Variants in PLXND1 observed in about 807,000 individuals in gnomAD.
The protein encoded by PLXND1 is plexin D1.
PLXND1 carries 54 observed loss-of-function variants against 197.7 expected under a neutral mutation model. The observed-to-expected ratio is 0.27, with a 90% CI of 0.22 to 0.34. The LOEUF is 0.34. PLXND1 is among the 10% of genes least tolerant of loss of function. PLXND1 has a pLI of 1.00. For synonymous variants in PLXND1, 1,180 were observed against 1,161.2 expected, an observed-to-expected ratio of 1.02 and a Z score of -0.33; for missense variants, 2,127 against 2,699.2, an observed-to-expected ratio of 0.79 and a Z score of 4.70.
intron 8 of PLXND1, among the ~76,000 whole-genome samples, chr3:129,579,863 G>A (rs531918249): frequency 7.2e-5 from 11 of 152,322 alleles, no homozygotes; most frequent in Admixed American, 1.3e-4. Flanking sequence ...GCAGGACAGG[G>A]ACTGATTCCC....
Position 129,563,078 on chromosome 3 carries a change from C to T in PLXND1, c.4668+16G>A, listed in dbSNP as rs773563103. The T allele has an allele frequency of 1.3e-5, 21 of 1,613,214 alleles. No individual in the cohort carries two copies. Among genetic ancestry groups the T allele is most frequent in the Admixed American group, 3.3e-5 (2 of 59,968 alleles). ...GACACAGCAGCCCTGGGACCCTCCC[C>T]GCCCTGCCGACTTACCCGGGGCTTG... On this transcript the variant is annotated intron_variant, in intron 26 of 35. Coordinates refer to ENST00000324093, the MANE Select transcript of PLXND1 (RefSeq NM_015103.3).
intron 1 of PLXND1, among the ~76,000 whole-genome samples, chr3:129,596,584 T>C (rs2085627785): frequency 6.6e-6 from 1 of 152,132 alleles, no homozygotes; most frequent in Non-Finnish European, 1.5e-5. Context: ...GAAGCCAGTC[T>C]TTCCAAGCCC....
chr3:129,597,864 C>T (rs577411102), intron 1 of PLXND1, among the ~76,000 whole-genome samples: 8 of 152,360 alleles, frequency 5.3e-5, no homozygotes, highest in African/African-American at 9.6e-5. Context: ...TGTCCCCACT[C>T]GGGAACCGGC....
intron 2 of PLXND1, 44 bp downstream of exon 2, chr3:129,589,307 G>GCCGGGGCCCCCCCCCCCCCCCC: frequency 1.5e-6 from 1 of 684,692 alleles, no homozygotes; most frequent in Non-Finnish European, 2.6e-6. Flanking sequence ...TCCCAGGGGA[G>GCCGGGGCCCCCCCCCCCCCCCC]CCTCCCACCC....
At chr3:129,562,714 G>T in intron 27 of PLXND1, 73 bp downstream of exon 27, 1 of 1,407,568 alleles carries the variant, frequency 7.1e-7, no homozygotes, top group Non-Finnish European at 9.7e-7. Flanking sequence ...TGAAAGGAGT[G>T]TTTCCCGTCA....
At chr3:129,559,333 G>A in intron 32 of PLXND1, 1 of 328,690 alleles carries the variant, frequency 3.0e-6, no homozygotes, top group Non-Finnish European at 5.5e-6. Context: ...GGAGCTGATG[G>A]TGCCCACCTG....
chr3:129,575,247 G>GAA (rs1386493699), intron 11 of PLXND1, among the ~76,000 whole-genome samples: 3 of 148,272 alleles, frequency 2.0e-5, no homozygotes, highest in African/African-American at 7.3e-5. Flanking sequence ...CTATGGGGAC[G>GAA]ATCAGGCCCA....
chr3:129,575,891 A>G, intron 9 of PLXND1, 36 bp from the exon 10 acceptor site: 1 of 1,306,700 alleles, frequency 7.7e-7, no homozygotes. Flanking sequence ...GGGTTTGAGG[A>G]GAACCAAGCC....
At position 129,571,271 on chromosome 3, in the gene PLXND1, G is replaced by C; in HGVS notation, c.3369C>G (p.Thr1123=). Residue 1123 remains threonine (T), a synonymous_variant, in exon 18 of 36, where the codon ACC becomes ACG. Coordinates refer to ENST00000324093, the MANE Select transcript of PLXND1 (RefSeq NM_015103.3). The part of the protein sequence containing the change: ...LCKVLNSTLI[T]CPSPGALSNA... ...TGCTCAGGGCCCCGGGGGACGGGCAGGTGATGAGGGTGGAGTTGAGAACCT... is the reference window on the plus strand; with the variant it reads ...TGCTCAGGGCCCCGGGGGACGGGCACGTGATGAGGGTGGAGTTGAGAACCT... 1 of 1,613,706 alleles carries C rather than the reference G, an allele frequency of 6.2e-7. No homozygotes were observed. The highest frequency in any genetic ancestry group is 8.5e-7 in the Non-Finnish European group (1 of 1,179,810).
chr3:129,606,660 C>A lies in PLXND1; in HGVS notation c.-21G>T. ...GCCATCCGGGCGTGCGCGGGCTGCG[C>A]GGCGCGGCGAGTGCATGGGGCGAGG... On this transcript the variant is annotated 5_prime_UTR_variant, in exon 1 of 36. Transcript: ENST00000324093. 1.0e-6 allele frequency: 1 copy of A among 960,752 alleles called. No individual in the cohort carries two copies. The highest frequency in any genetic ancestry group is 1.2e-6 in the Non-Finnish European group (1 of 806,994). 59.5% of individuals were successfully genotyped at this position (960,752 alleles called of 1,614,324 possible). A position where few individuals can be genotyped will look rare whatever the true frequency, so the allele number is the denominator to read the frequency against.
intron 1 of PLXND1, among the ~76,000 whole-genome samples, chr3:129,600,754 C>T (rs1185005765): frequency 1.3e-5 from 2 of 151,822 alleles, no homozygotes; most frequent in African/African-American, 2.4e-5. Flanking sequence ...AGCCCCCAGC[C>T]CAAACCCAAA....
intron 1 of PLXND1, among the ~76,000 whole-genome samples, chr3:129,592,083 C>T (rs1193708255): frequency 6.6e-6 from 1 of 152,216 alleles, no homozygotes; most frequent in African/African-American, 2.4e-5. Context: ...CTGGCCGCTC[C>T]CTCTGCCCAG....
In PLXND1 at chr3:129,571,172, T is replaced by A. The variant is rs149369160; in HGVS notation, c.3468A>T (p.Leu1156=). 5 of 1,614,068 alleles carry A rather than the reference T, an allele frequency of 3.1e-6. No individual in the cohort carries two copies. The African/African-American group carries it at 6.7e-5, about 22-fold the overall frequency. ...CCCGCTGTGCCTCCTCGGGGTCCAG[T>A]AGCTCCTCAGCCACAGCCACCTCGT... ...YADEVAVAEE[L]LDPEEAQRGS... The change falls in exon 18 of 36, where the codon CTA becomes CTT. Residue 1156 remains leucine (L), a synonymous_variant. Coordinates refer to ENST00000324093, the MANE Select transcript of PLXND1 (RefSeq NM_015103.3).
In PLXND1 at chr3:129,571,135, G is replaced by T. The variant is rs144843366; in HGVS notation, c.3505C>A (p.Arg1169Ser). The T allele has an allele frequency of 1.4e-5, 22 of 1,614,206 alleles. No homozygotes were observed. In the East Asian group the frequency reaches 4.7e-4, roughly 34 times the overall value. Reference protein sequence around the residue: ...PEEAQRGSRFRLDYLPNPQFS... With the variant: ...PEEAQRGSRFSLDYLPNPQFS... Reference sequence around the variant, plus strand: ...TGTGGGTTGGGGAGGTAGTCCAGGCGGAACCTGCTGCCCCGCTGTGCCTCC... The same window carrying T: ...TGTGGGTTGGGGAGGTAGTCCAGGCTGAACCTGCTGCCCCGCTGTGCCTCC... The change falls in exon 18 of 36, where the codon CGC (arginine) becomes AGC (serine). Residue 1169 changes from arginine (R) to serine (S), a missense_variant. Transcript: ENST00000324093.
chr3:129,559,814 C>A lies in PLXND1; in HGVS notation c.5134-31G>T. 1.9e-6 allele frequency: 3 copies of A among 1,557,754 alleles called. No homozygotes were observed. In the South Asian group the frequency reaches 3.7e-5, roughly 19 times the overall value. ...GGGGAGTGGGGTGGCCGCCGTCAGC[C>A]CCGGGCCACGTGCAGAGGGCTAGTG... On this transcript the variant is annotated intron_variant, in intron 31 of 35. Transcript: ENST00000324093.
chr3:129,560,959 G>A (rs1462126849), intron 29 of PLXND1: 7 of 651,028 alleles, frequency 1.1e-5, no homozygotes, highest in East Asian at 3.0e-5. Flanking sequence ...TGGGAGAGAC[G>A]GAGAGAGAGA....
intron 27 of PLXND1, among the ~76,000 whole-genome samples, chr3:129,562,125 G>C (rs1474227983): frequency 1.3e-5 from 2 of 152,266 alleles, no homozygotes; most frequent in Admixed American, 6.5e-5. Context: ...CAGGGTGGAG[G>C]GCACAGAGGA....
chr3:129,573,093 A>G lies in PLXND1; in HGVS notation c.2838-152T>C, dbSNP rs77336113. 1.4e-3 allele frequency: 857 copies of G among 622,638 alleles called. 2 individuals are homozygous for G. The highest frequency in any genetic ancestry group is 8.7e-3 in the African/African-American group (478 of 54,808). 38.6% of individuals were successfully genotyped at this position (622,638 alleles called of 1,614,324 possible). On this transcript the variant is annotated intron_variant, in intron 13 of 35. Coordinates refer to ENST00000324093, the MANE Select transcript of PLXND1 (RefSeq NM_015103.3). ...ATCAGTTTCCCACAGTTCTGCAACT[A>G]TAAGACACGGGGGTGGGACAAAAGG...
At chr3:129,582,454 A>T (rs1176627211) in intron 8 of PLXND1, among the ~76,000 whole-genome samples, 1 of 152,226 alleles carries the variant, frequency 6.6e-6, no homozygotes, top group African/African-American at 2.4e-5. Flanking sequence ...GCCATCTGGA[A>T]TATGGGCAGG....
Sources: gnomAD v4.1 joint callset for allele counts (sites outside exome capture counted in the v4.1 genomes callset) on GRCh38, gnomAD v4.1.1 for gene constraint, MANE v1.5 for transcripts, NCBI Gene and HGNC (gene_info 2026-07-23, HGNC 2026-07-21) for gene names.